The following HCFC1 variants were observed in gnomAD, a reference collection of about 807,000 sequenced individuals.
HCFC1 encodes the protein host cell factor C1.
Under a neutral mutation model 105.5 loss-of-function variants are expected in HCFC1, and 7 were observed. The observed-to-expected ratio is 0.07, with a 90% CI of 0.04 to 0.12. The LOEUF is 0.12. HCFC1 is among the 10% of genes least tolerant of loss of function. The pLI is 1.00. For missense variants in HCFC1, 1,065 were observed against 1,823.6 expected (o/e 0.58, Z 7.58); for synonymous variants, 918 against 828.1 (o/e 1.11, Z -1.86).
At position 153,952,072 on chromosome X, in the gene HCFC1, C is replaced by A. The variant is rs1557112717; in HGVS notation, c.5029G>T (p.Gly1677Cys). 1 of 1,169,473 alleles carries A rather than the reference C, an allele frequency of 8.6e-7. No homozygotes were observed. The highest frequency in any genetic ancestry group is 1.1e-6 in the Non-Finnish European group (1 of 875,311). The part of the protein sequence containing the change: ...LGHLSAEGQE[G>C]QATTIPIVLT... ...ACAATGGGTATGGTGGTGGCCTGGC[C>A]CTCCTGACCCTCGGCCGACAGGTGC... is the stretch of plus-strand genomic sequence containing the variant. The change falls in exon 20 of 26, where the codon GGC becomes TGC. Residue 1677 changes from glycine (G) to cysteine (C), a missense_variant. Gly to Cys is a radical substitution (Grantham distance 159, BLOSUM62 -3). Transcript: ENST00000310441.
intron 1 of HCFC1, among the ~76,000 whole-genome samples, chrX:153,966,921 G>A (rs1165255511): frequency 8.9e-6 from 1 of 112,153 alleles, no homozygotes; most frequent in African/African-American, 3.2e-5. Context: ...GAGCCGGTGG[G>A]CCAGGCCAGA....
chrX:153,962,458 T>C (rs1382037284), intron 4 of HCFC1, 152 bp from the exon 5 acceptor site: 1 of 454,733 alleles, frequency 2.2e-6, no homozygotes, highest in Admixed American at 3.7e-5. Flanking sequence ...CTCTGACTGT[T>C]GTCATGGTAG....
Position 153,958,220 on chromosome X carries a change from C to T in HCFC1, c.1833G>A (p.Lys611=), listed in dbSNP as rs1557115713. 3.3e-6 allele frequency: 4 copies of T among 1,210,151 alleles called. No homozygotes were observed. Among genetic ancestry groups the T allele is most frequent in the Admixed American group, 2.2e-5 (1 of 45,942 alleles). The part of the protein sequence containing the change: ...MVSNPATRML[K]TAAAQVGTSV... ...ATGTCCCCACCTGGGCGGCTGCAGT[C>T]TTCAGCATGCGAGTGGCAGGGTTGC... is the stretch of plus-strand genomic sequence containing the variant. The change falls in exon 11 of 26, where the codon AAG becomes AAA. Residue 611 remains lysine, a synonymous_variant. Transcript: ENST00000310441.
chrX:153,955,690 C>T (rs1200314418), intron 16 of HCFC1, 148 bp from the exon 17 acceptor site: 5 of 560,171 alleles, frequency 8.9e-6, no homozygotes, highest in Non-Finnish European at 1.4e-5. Flanking sequence ...ACCCCTGCCC[C>T]CAAGACACTG....
intron 16 of HCFC1, among the ~76,000 whole-genome samples, chrX:153,955,928 C>A (rs1343967257): frequency 8.8e-6 from 1 of 113,390 alleles, no homozygotes; most frequent in Non-Finnish European, 1.9e-5. Context: ...CGAGCTGCGG[C>A]GTCCTGTAGA....
At chrX:153,965,443 C>CA (rs1298180104) in intron 1 of HCFC1, among the ~76,000 whole-genome samples, 1 of 53 alleles carries the variant, frequency 0.019, no homozygotes, top group East Asian at 0.2. Flanking sequence ...CAGGATGGCA[C>CA]AGCAGCCTTC....
intron 1 of HCFC1, among the ~76,000 whole-genome samples, chrX:153,968,776 T>C (rs1367910215): frequency 8.9e-6 from 1 of 112,991 alleles, no homozygotes; most frequent in Non-Finnish European, 1.9e-5. Flanking sequence ...TGCATTTCCC[T>C]GCCAGGGAGC....
At chrX:153,958,328 A>G in intron 10 of HCFC1, 79 bp from the exon 11 acceptor site, 1 of 824,211 alleles carries the variant, frequency 1.2e-6, no homozygotes, top group Non-Finnish European at 1.8e-6. Context: ...CGGTGGGCCC[A>G]TAGCTCCTGC....
At position 153,960,042 on chromosome X, in the gene HCFC1, T is replaced by C. The variant is rs1386168574; in HGVS notation, c.1204A>G (p.Ile402Val). Residue 402 changes from isoleucine to valine, a missense_variant, in exon 8 of 26, where the codon ATT becomes GTT. Physicochemically the swap from Ile to Val is conservative, Grantham distance 29. This residue lies in a region of HCFC1 where 101 missense variants were observed against 155.1 expected (regional missense o/e 0.65). Transcript: ENST00000310441. ...GTGGCAGTAGCAGCCGTGGCAGGAA[T>C]GTCATATTTCTGGAGCTGGAGAAGG... ...SYLLQLQKYD[I>V]PATAATATSP... is the part of the protein sequence containing the mutation. 1 of 1,209,313 alleles carries C rather than the reference T, an allele frequency of 8.3e-7. No individual in the cohort carries two copies. The highest frequency in any genetic ancestry group is 3.0e-5 in the East Asian group (1 of 33,755).
At chrX:153,950,104 G>A (rs959083761) in intron 24 of HCFC1, 139 bp downstream of exon 24, 27 of 646,602 alleles carry the variant, frequency 4.2e-5, no homozygotes, top group African/African-American at 2.0e-4. Context: ...GGCCACCCCC[G>A]TGGGGGGCTG....
Position 153,956,761 on chromosome X carries a change from C to G in HCFC1, c.2499G>C (p.Val833=). ...GCTGTCCCGGGGCCCCCTTAAGCAC[C>G]ACCTGGAACACCAGAGGAAAGTGCC... ...TGHGQQGVTQ[V]VLKGAPGQPG... The change falls in exon 15 of 26, where the codon GTG becomes GTC. Residue 833 remains valine (V), a splice_region_variant and synonymous_variant. Transcript: ENST00000310441. 1 of 1,210,500 alleles carries G rather than the reference C, an allele frequency of 8.3e-7. No homozygotes were observed. Among genetic ancestry groups the G allele is most frequent in the South Asian group, 1.8e-5 (1 of 56,973 alleles).
Position 153,949,560 on chromosome X carries a change from G to A in HCFC1, c.6061C>T (p.Pro2021Ser), listed in dbSNP as rs1557111884. Residue 2021 changes from proline to serine, a missense_variant, in exon 25 of 26, where the codon CCA becomes TCA. This residue lies in a region of HCFC1 where 18 missense variants were observed against 28.8 expected (regional missense o/e 0.62). Coordinates refer to ENST00000310441, the MANE Select transcript of HCFC1 (RefSeq NM_005334.3). ...KPANKRPMSS[P>S]EMKSAPKKSK... ...GAGGGGCTTCCTGCTTACATTTCTG[G>A]AGAGGACATGGGCCGCTTGTTGGCT... The A allele has an allele frequency of 1.7e-6, 2 of 1,208,893 alleles. No individual in the cohort carries two copies. Among genetic ancestry groups the A allele is most frequent in the African/African-American group, 1.7e-5 (1 of 57,183 alleles).
chrX:153,954,025 G>T (rs782657053), intron 17 of HCFC1, 41 bp downstream of exon 17: 2 of 1,161,201 alleles, frequency 1.7e-6, no homozygotes, highest in South Asian at 3.9e-5. Flanking sequence ...AGCCTGGGGG[G>T]CTGGGAGACC....
At chrX:153,961,755 G>GA (rs1196085234) in intron 5 of HCFC1, 107 bp from the exon 6 acceptor site, 1 of 584,748 alleles carries the variant, frequency 1.7e-6, no homozygotes, top group Non-Finnish European at 2.8e-6. Flanking sequence ...CTCTCCCCAG[G>GA]AGAGTCCCCA....
At position 153,951,692 on chromosome X, in the gene HCFC1, T is replaced by C. The variant is rs782384589; in HGVS notation, c.5276A>G (p.Asn1759Ser). 93 of 1,207,667 alleles carry C rather than the reference T, an allele frequency of 7.7e-5. 1 individual carries two copies. The Admixed American group carries it at 1.7e-3, about 22-fold the overall frequency. Residue 1759 changes from asparagine (N) to serine (S), a missense_variant, in exon 21 of 26, where the codon AAC (asparagine) becomes AGC (serine). This residue lies in a region of HCFC1 where 115 missense variants were observed against 143.7 expected (regional missense o/e 0.80). Transcript: ENST00000310441. ...STATESLAPS[N>S]TFVAPQPVVV... ...AACCGGCTGGGGGGCCACAAATGTG[T>C]TGGATGGAGCCAGGCCTAGGAAGAA...
chrX:153,963,864 G>A (rs2065451888), intron 3 of HCFC1, among the ~76,000 whole-genome samples: 1 of 112,333 alleles, frequency 8.9e-6, no homozygotes. Context: ...GACTCCGAGA[G>A]CTGGGCCAGC....
intron 23 of HCFC1, 50 bp from the exon 24 acceptor site, chrX:153,950,593 G>T: frequency 9.4e-7 from 1 of 1,063,766 alleles, no homozygotes; most frequent in Non-Finnish European, 1.3e-6. Flanking sequence ...GAGGCTTCCA[G>T]AACTGACTAA....
rs2065380321 is a variant in HCFC1 at position 153,956,689 on chromosome X, G to C, written c.2571C>G (p.Val857=). 1 of 1,209,989 alleles carries C rather than the reference G, an allele frequency of 8.3e-7. No homozygotes were observed. Among genetic ancestry groups the C allele is most frequent in the African/African-American group, 1.7e-5 (1 of 57,345 alleles). The stretch of plus-strand genomic sequence containing the variant: ...TGACGGCGGAGACGGTGACGGGTGT[G>C]ACCAGGCGAACACCCCCCATGGGCA... ...RTVPMGGVRL[V]TPVTVSAVKP... is the part of the protein sequence containing the mutation. Residue 857 remains valine, a synonymous_variant, in exon 15 of 26, where the codon GTC becomes GTG. Transcript: ENST00000310441.
At position 153,959,493 on chromosome X, in the gene HCFC1, TG is replaced by T. The variant is rs1557116110; in HGVS notation, c.1445-3del. The T allele has an allele frequency of 1.9e-5, 23 of 1,211,037 alleles. No homozygotes were observed. Among genetic ancestry groups the T allele is most frequent in the Non-Finnish European group, 2.6e-5 (23 of 895,143 alleles). On this transcript the variant is annotated splice_region_variant and splice_polypyrimidine_tract_variant and intron_variant, in intron 8 of 25. Coordinates refer to ENST00000310441, the MANE Select transcript of HCFC1 (RefSeq NM_005334.3). ...TCACTTTGAGAACAGCAGGGACACC[TG>T]ATGAGAGAAGGGGCCAGCCGTCAGC...
Sources: gnomAD v4.1 joint callset for allele counts (sites outside exome capture counted in the v4.1 genomes callset) on GRCh38, gnomAD v4.1.1 for gene constraint, gnomAD v4.1.1 regional missense constraint, MANE v1.5 for transcripts, NCBI Gene and HGNC (gene_info 2026-07-23, HGNC 2026-07-21) for gene names.